Variants in FIP1L1 observed in about 807,000 individuals in gnomAD.
The protein encoded by FIP1L1 is pre-mRNA 3'-end-processing factor FIP1.
Under a neutral mutation model 84.6 loss-of-function variants are expected in FIP1L1, and 21 were observed. The observed-to-expected ratio is 0.25, with a 90% confidence interval of 0.18 to 0.36. FIP1L1 has a LOEUF of 0.36. FIP1L1 is among the 10% of genes least tolerant of loss of function. The probability of loss-of-function intolerance (pLI) is 1.00; values close to 1 mark genes in which losing one functional copy is unlikely to be tolerated. For missense variants in FIP1L1, 526 were observed against 751.1 expected, an observed-to-expected ratio of 0.70 and a Z score of 3.50; for synonymous variants, 263 against 242.3, an observed-to-expected ratio of 1.09 and a Z score of -0.80.
rs182574032 is a variant in FIP1L1, at chr4:53,420,059, G to A, written c.923+5337G>A. The stretch of plus-strand genomic sequence containing the variant: ...AAAATACAATAAAAATTAGCCGGGC[G>A]CGGTGGCGAGCGCCTGTAGTCCCAG... On this transcript the variant is annotated intron_variant, in intron 11 of 17. Transcript: ENST00000337488. Among the ~76,000 whole-genome samples the A allele has an allele frequency of 6.5e-3, 991 of 151,920 alleles. 10 individuals carry two copies. Among genetic ancestry groups the A allele is most frequent in the African/African-American group, 0.023 (951 of 41,444 alleles).
At chr4:53,394,709 G>T (rs1412114312) in intron 9 of FIP1L1, among the ~76,000 whole-genome samples, 1 of 151,414 alleles carries the variant, frequency 6.6e-6, no homozygotes, top group Non-Finnish European at 1.5e-5. Flanking sequence ...TTTCTTATAG[G>T]TTGAAACAAA....
intron 10 of FIP1L1, among the ~76,000 whole-genome samples, chr4:53,402,039 TAAG>T (rs750909477): frequency 5.3e-4 from 80 of 152,210 alleles, no homozygotes; most frequent in Admixed American, 9.8e-4. Context: ...AGACCATTAA[TAAG>T]GAGGAATGAT....
At chr4:53,406,182 T>C (rs10033254) in intron 10 of FIP1L1, among the ~76,000 whole-genome samples, 105,572 of 152,028 alleles carry the variant, frequency 0.69, 36,721 homozygotes, top group Middle Eastern at 0.72. Flanking sequence ...AGATACGTCC[T>C]ATTTACATAC....
chr4:53,430,415 C>CT (rs1196324852), intron 13 of FIP1L1, among the ~76,000 whole-genome samples: 77 of 129,378 alleles, frequency 6.0e-4, no homozygotes, highest in African/African-American at 2.2e-3. Context: ...GTGGTGCGGT[C>CT]TCAGCTCACT....
intron 15 of FIP1L1, among the ~76,000 whole-genome samples, chr4:53,447,666 C>T (rs1300496263): frequency 6.6e-6 from 1 of 152,000 alleles, no homozygotes; most frequent in Non-Finnish European, 1.5e-5. Flanking sequence ...GTTGAGTATT[C>T]CTTATCAGAA....
At chr4:53,426,366 A>AT (rs1764361246) in intron 12 of FIP1L1, among the ~76,000 whole-genome samples, 1 of 152,154 alleles carries the variant, frequency 6.6e-6, no homozygotes, top group Non-Finnish European at 1.5e-5. Flanking sequence ...TGATTTGTTA[A>AT]TTTATGATAA....
In FIP1L1 at chr4:53,460,357, CAAAT is replaced by C. The variant is rs141678192; in HGVS notation, c.*911_*914del. 7,320 of 189,916 alleles carry C rather than the reference CAAAT, an allele frequency of 0.039. 358 individuals carry two copies. Among genetic ancestry groups the C allele is most frequent in the African/African-American group, 0.13 (5,485 of 42,928 alleles). The allele number at this position is 189,916 out of a possible 1,614,324, so 11.8% of individuals were successfully genotyped here. A position where few individuals can be genotyped will look rare whatever the true frequency, so the allele number is the denominator to read the frequency against. On this transcript the variant is annotated 3_prime_UTR_variant, in exon 18 of 18. Transcript: ENST00000337488. ...AGGAGGTATTCATCGGTGATGGTAA[CAAAT>C]AACATGGTATTTGAAAGAATAAATT...
chr4:53,434,079 C>G (rs576749885), intron 13 of FIP1L1, among the ~76,000 whole-genome samples: 2 of 152,048 alleles, frequency 1.3e-5, no homozygotes, highest in Non-Finnish European at 2.9e-5. Flanking sequence ...GTTCTCAAAA[C>G]TTTTTGGTTA....
At chr4:53,382,770 T>A (rs1315448389) in intron 4 of FIP1L1, among the ~76,000 whole-genome samples, 1 of 152,246 alleles carries the variant, frequency 6.6e-6, no homozygotes, top group East Asian at 1.9e-4. Context: ...TATGAATATT[T>A]GTGCATTTTA....
At chr4:53,437,198 C>T (rs1294624633) in intron 13 of FIP1L1, among the ~76,000 whole-genome samples, 1 of 151,566 alleles carries the variant, frequency 6.6e-6, no homozygotes, top group Non-Finnish European at 1.5e-5. Context: ...CATGGTGGTA[C>T]ACACCTGTAG....
At chr4:53,400,553 G>A (rs1749689212) in intron 10 of FIP1L1, among the ~76,000 whole-genome samples, 1 of 152,186 alleles carries the variant, frequency 6.6e-6, no homozygotes, top group Non-Finnish European at 1.5e-5. Flanking sequence ...TTCTCGGCCA[G>A]ATCACTTACC....
rs1319095897 is a variant in FIP1L1, at chr4:53,459,378, AAAG to A, written c.1718_1720del (p.Glu573del). 6.2e-7 allele frequency: 1 copy of A among 1,613,078 alleles called. No individual in the cohort carries two copies. The highest frequency in any genetic ancestry group is 8.5e-7 in the Non-Finnish European group (1 of 1,179,644). ...CAAACACAAAAAATCTAAAAGAAGC[AAAG>A]AAGGAAAAGAAGCGGGCAGTGAGCC... On this transcript the variant is annotated inframe_deletion, in exon 18 of 18. Transcript: ENST00000337488.
intron 10 of FIP1L1, among the ~76,000 whole-genome samples, chr4:53,409,325 C>A (rs1401068787): frequency 1.3e-5 from 2 of 152,148 alleles, no homozygotes; most frequent in African/African-American, 4.8e-5. Flanking sequence ...TCGTGAACCG[C>A]GAATGCTGCT....
chr4:53,403,532 G>T (rs954784894), intron 10 of FIP1L1, among the ~76,000 whole-genome samples: 1 of 152,176 alleles, frequency 6.6e-6, no homozygotes, highest in Non-Finnish European at 1.5e-5. Flanking sequence ...GTAAAAATCC[G>T]TGCTTCGGAT....
intron 1 of FIP1L1, chr4:53,378,772 CAT>C (rs1249908909): frequency 2.9e-6 from 1 of 343,414 alleles, no homozygotes; most frequent in African/African-American, 2.1e-5. Flanking sequence ...TTGCCTAAAA[CAT>C]ATATTCTTGA....
At chr4:53,448,640 G>A (rs764017146) in intron 15 of FIP1L1, among the ~76,000 whole-genome samples, 1 of 152,082 alleles carries the variant, frequency 6.6e-6, no homozygotes, top group Non-Finnish European at 1.5e-5. Context: ...ACAGTAAGTG[G>A]CAGAGTCAGG....
chr4:53,404,930 T>G (rs1488414635), intron 10 of FIP1L1, among the ~76,000 whole-genome samples: 1 of 151,044 alleles, frequency 6.6e-6, no homozygotes, highest in Non-Finnish European at 1.5e-5. Context: ...ATGAGTAGGT[T>G]GCGAAAATTT....
chr4:53,437,005 C>T (rs916071547), intron 13 of FIP1L1, among the ~76,000 whole-genome samples: 1 of 151,928 alleles, frequency 6.6e-6, no homozygotes, highest in African/African-American at 2.4e-5. Flanking sequence ...GCCTGGGCAA[C>T]ATGAAGAAAC....
chr4:53,380,007 T>C (rs1233992279), intron 3 of FIP1L1, among the ~76,000 whole-genome samples: 8 of 152,178 alleles, frequency 5.3e-5, no homozygotes, highest in African/African-American at 1.9e-4. Flanking sequence ...AAACAGGTGT[T>C]AGTGAGGATA....
Sources: gnomAD v4.1 joint callset for allele counts (sites outside exome capture counted in the v4.1 genomes callset) on GRCh38, gnomAD v4.1.1 for gene constraint, MANE v1.5 for transcripts, NCBI Gene and HGNC (gene_info 2026-07-23, HGNC 2026-07-21) for gene names.